TAOK1: variants seen among roughly 807,000 people sequenced by gnomAD.
The protein encoded by TAOK1 is TAO kinase 1.
Under a neutral mutation model 138.3 loss-of-function variants are expected in TAOK1, and 21 were observed. That is an observed-to-expected ratio of 0.15 (90% CI 0.11 to 0.22). TAOK1 has a LOEUF of 0.22. TAOK1 is among the 10% of genes least tolerant of loss of function. TAOK1 has a pLI of 1.00. For synonymous variants in TAOK1, 361 were observed against 398.4 expected, an observed-to-expected ratio of 0.91 and a Z score of 1.12; for missense variants, 651 against 1,227.7, an observed-to-expected ratio of 0.53 and a Z score of 7.02.
At chr17:29,459,936 C>A (rs757823785) in intron 2 of TAOK1, among the ~76,000 whole-genome samples, 1 of 152,172 alleles carries the variant, frequency 6.6e-6, no homozygotes, top group African/African-American at 2.4e-5. Flanking sequence ...CTGGGCTTTT[C>A]ATATATCCTT....
chr17:29,530,693 A>G, intron 18 of TAOK1, 74 bp downstream of exon 18: 2 of 1,225,858 alleles, frequency 1.6e-6, no homozygotes, highest in African/African-American at 1.5e-5. Flanking sequence ...AATCACAGCA[A>G]TTAAAGTACT....
intron 4 of TAOK1, among the ~76,000 whole-genome samples, chr17:29,477,194 C>T (rs1172282666): frequency 6.6e-6 from 1 of 152,028 alleles, no homozygotes; most frequent in Non-Finnish European, 1.5e-5. Context: ...GTTGAATCTA[C>T]AAATCTAGAA....
intron 1 of TAOK1, among the ~76,000 whole-genome samples, chr17:29,398,758 C>T (rs1305497596): frequency 1.3e-5 from 2 of 151,902 alleles, no homozygotes; most frequent in Non-Finnish European, 2.9e-5. Flanking sequence ...TCTTGAACTC[C>T]TGACCTCAGG....
intron 16 of TAOK1, among the ~76,000 whole-genome samples, chr17:29,518,638 A>G (rs1278405298): frequency 6.6e-6 from 1 of 152,200 alleles, no homozygotes; most frequent in Non-Finnish European, 1.5e-5. Flanking sequence ...AAATCACGGA[A>G]TTGATGCAAT....
chr17:29,397,607 C>CCGGCAAAA (rs60665025), intron 1 of TAOK1, among the ~76,000 whole-genome samples: 1 of 94,616 alleles, frequency 1.1e-5, no homozygotes, highest in East Asian at 2.8e-4. Context: ...CGTCCCCCCC[C>CCGGCAAAA]AAAAAAATAT....
chr17:29,531,290 A>AT (rs1313953173), intron 18 of TAOK1, among the ~76,000 whole-genome samples: 2 of 149,554 alleles, frequency 1.3e-5, no homozygotes, highest in African/African-American at 2.5e-5. Context: ...TTATTTATTT[A>AT]TTTTTTTAGA....
intron 11 of TAOK1, among the ~76,000 whole-genome samples, chr17:29,497,573 A>C (rs1019335644): frequency 1.3e-5 from 2 of 152,162 alleles, no homozygotes; most frequent in Non-Finnish European, 2.9e-5. Context: ...GCCCGTTTAC[A>C]TCAGAAAAAC....
In TAOK1 at chr17:29,498,420, G is replaced by A; in HGVS notation, c.1102G>A (p.Val368Ile). 3 of 1,614,204 alleles carry A rather than the reference G, an allele frequency of 1.9e-6. No individual in the cohort carries two copies. Among genetic ancestry groups the A allele is most frequent in the Non-Finnish European group, 2.5e-6 (3 of 1,180,032 alleles). Residue 368 changes from valine (V) to isoleucine (I), a missense_variant, in exon 12 of 20, where the codon GTT becomes ATT. Physicochemically the swap from Val to Ile is conservative, Grantham distance 29. This residue lies in a region of TAOK1 where 104 missense variants were observed against 151.7 expected (regional missense o/e 0.69). Transcript: ENST00000261716. ...SISASSQSSS[V>I]NSLPDVSDDK... ...CAGTGCCAGCAGCCAAAGCAGTAGT[G>A]TTAACAGTCTTCCAGATGTCTCAGA...
chr17:29,390,501 C>CT lies in TAOK1; in HGVS notation c.-617dup, dbSNP rs985234959. The CT allele has an allele frequency of 7.9e-5, 12 of 152,572 alleles. No homozygotes were observed. The highest frequency in any genetic ancestry group is 2.9e-5 in the Non-Finnish European group (2 of 68,306). 9.5% of individuals were successfully genotyped at this position (152,572 alleles called of 1,614,324 possible). A position where few individuals can be genotyped will look rare whatever the true frequency, so the allele number is the denominator to read the frequency against. ...CTGCGCCCTTCGCGGGCCGAAAGCA[C>CT]TAGGCACTCGCGAACATCTGAGGCC... On this transcript the variant is annotated 5_prime_UTR_variant, in exon 1 of 20. Coordinates refer to ENST00000261716, the MANE Select transcript of TAOK1 (RefSeq NM_020791.4).
intron 1 of TAOK1, among the ~76,000 whole-genome samples, chr17:29,447,950 C>T (rs2030133785): frequency 1.5e-5 from 2 of 137,544 alleles, no homozygotes; most frequent in African/African-American, 2.8e-5. Context: ...GCCACTGCAC[C>T]TGGTCTTTTT....
chr17:29,395,549 TAAAA>T (rs1904568857), intron 1 of TAOK1, among the ~76,000 whole-genome samples: 1 of 151,074 alleles, frequency 6.6e-6, no homozygotes, highest in African/African-American at 2.4e-5. Flanking sequence ...ACGAAACAAA[TAAAA>T]AAGTTTTATT....
rs565803682 is a variant in TAOK1 at position 29,394,950 on chromosome 17, T to A, written c.-95+3926T>A. On this transcript the variant is annotated intron_variant, in intron 1 of 19. Transcript: ENST00000261716. ...TCTCTACAAAAACAAATTTTTTTTT[T>A]AATTAGCATGGGCTAGGCATGGTGG... Among the ~76,000 whole-genome samples, 9 of 150,850 alleles carry A rather than the reference T, an allele frequency of 6.0e-5. No individual in the cohort carries two copies. In the East Asian group the frequency reaches 7.9e-4, roughly 13 times the overall value.
At chr17:29,473,651 T>G (rs2030878248) in intron 3 of TAOK1, among the ~76,000 whole-genome samples, 1 of 151,882 alleles carries the variant, frequency 6.6e-6, no homozygotes, top group Admixed American at 6.6e-5. Flanking sequence ...AATGACACAT[T>G]GGCTAGATCT....
At chr17:29,508,812 A>G (rs976276467) in intron 14 of TAOK1, among the ~76,000 whole-genome samples, 2 of 152,172 alleles carry the variant, frequency 1.3e-5, no homozygotes, top group Non-Finnish European at 1.5e-5. Flanking sequence ...ATTATTTTAC[A>G]TGATAAAAGT....
intron 1 of TAOK1, among the ~76,000 whole-genome samples, chr17:29,414,660 G>A (rs998906121): frequency 2.0e-5 from 3 of 151,930 alleles, no homozygotes; most frequent in Admixed American, 6.6e-5. Flanking sequence ...GGGTTCAAGC[G>A]ATTCTCCTGC....
chr17:29,522,008 C>T (rs889482987), intron 16 of TAOK1, among the ~76,000 whole-genome samples: 1 of 152,010 alleles, frequency 6.6e-6, no homozygotes, highest in African/African-American at 2.4e-5. Context: ...AGGAAGTATA[C>T]AAAAGAAGAA....
At chr17:29,430,469 G>A (rs998865785) in intron 1 of TAOK1, among the ~76,000 whole-genome samples, 2 of 152,156 alleles carry the variant, frequency 1.3e-5, no homozygotes, top group Non-Finnish European at 2.9e-5. Flanking sequence ...TCTGCAAAAA[G>A]CAACCAATCA....
At chr17:29,397,825 GTA>G (rs1013175079) in intron 1 of TAOK1, among the ~76,000 whole-genome samples, 42 of 150,284 alleles carry the variant, frequency 2.8e-4, no homozygotes, top group Middle Eastern at 3.5e-3. Flanking sequence ...GTATATACAT[GTA>G]TATATATGTG....
chr17:29,398,432 C>G (rs772834035), intron 1 of TAOK1, among the ~76,000 whole-genome samples: 1 of 152,052 alleles, frequency 6.6e-6, no homozygotes, highest in Non-Finnish European at 1.5e-5. Flanking sequence ...GTCATGAACT[C>G]GTGACCTCAG....
Sources: allele counts gnomAD v4.1 joint callset (sites outside exome capture counted in the v4.1 genomes callset), GRCh38; gene constraint gnomAD v4.1.1; regional missense constraint gnomAD v4.1.1; transcripts MANE v1.5; gene names NCBI Gene and HGNC (gene_info 2026-07-23, HGNC 2026-07-21).